ACVR2A: variants seen among roughly 807,000 people sequenced by gnomAD.
ACVR2A encodes the protein activin A receptor type 2A.
In ACVR2A, 7 loss-of-function variants were observed where a neutral mutation model predicts 61.4. The observed-to-expected ratio is 0.11, with a 90% CI of 0.06 to 0.21. The LOEUF (loss-of-function observed/expected upper bound fraction) is 0.21. ACVR2A is among the 10% of genes least tolerant of loss of function. ACVR2A has a pLI of 1.00. For synonymous variants in ACVR2A, 193 were observed against 208.3 expected (o/e 0.93, Z 0.63); for missense variants, 322 against 621.7 (o/e 0.52, Z 5.13).
intron 1 of ACVR2A, among the ~76,000 whole-genome samples, chr2:147,861,218 A>G (rs1490483497): frequency 6.6e-6 from 1 of 152,242 alleles, no homozygotes; most frequent in East Asian, 1.9e-4. Context: ...CGAACAAGTT[A>G]TAATGTAGTG....
chr2:147,850,211 TC>T (rs1210520514), intron 1 of ACVR2A, among the ~76,000 whole-genome samples: 20 of 152,092 alleles, frequency 1.3e-4, no homozygotes, highest in African/African-American at 4.8e-5. Context: ...CTTCTGTACT[TC>T]CTTATACTGC....
intron 10 of ACVR2A, 148 bp downstream of exon 10, chr2:147,926,309 T>A (rs1687498506): frequency 9.7e-7 from 1 of 1,034,932 alleles, no homozygotes; most frequent in Non-Finnish European, 1.4e-6. Flanking sequence ...AGAGGCAGAA[T>A]TAGGGCTATG....
At chr2:147,905,040 T>G (rs1465200099) in intron 4 of ACVR2A, among the ~76,000 whole-genome samples, 1 of 152,050 alleles carries the variant, frequency 6.6e-6, no homozygotes, top group Non-Finnish European at 1.5e-5. Flanking sequence ...AAAAGTTAAT[T>G]ATAAATACAT....
At chr2:147,916,181 A>C (rs1000239672) in intron 5 of ACVR2A, among the ~76,000 whole-genome samples, 1 of 151,914 alleles carries the variant, frequency 6.6e-6, no homozygotes, top group African/African-American at 2.4e-5. Flanking sequence ...AACTGTTTAC[A>C]TAGAGTTTAT....
At chr2:147,880,298 A>G (rs1169500465) in intron 1 of ACVR2A, among the ~76,000 whole-genome samples, 1 of 152,068 alleles carries the variant, frequency 6.6e-6, no homozygotes, top group Non-Finnish European at 1.5e-5. Flanking sequence ...CTGCCTTCCA[A>G]AGTATTGGGA....
At chr2:147,878,640 G>A (rs966606506) in intron 1 of ACVR2A, among the ~76,000 whole-genome samples, 2 of 152,114 alleles carry the variant, frequency 1.3e-5, no homozygotes, top group African/African-American at 2.4e-5. Flanking sequence ...TGGGCATGGT[G>A]GCTCATGCCT....
chr2:147,908,635 C>T (rs1296412768), intron 4 of ACVR2A, among the ~76,000 whole-genome samples: 2 of 152,100 alleles, frequency 1.3e-5, no homozygotes, highest in South Asian at 2.1e-4. Context: ...TGTTTCTATT[C>T]TGCTTGGCAG....
chr2:147,880,227 A>C (rs1686267231), intron 1 of ACVR2A, among the ~76,000 whole-genome samples: 1 of 152,052 alleles, frequency 6.6e-6, no homozygotes, highest in South Asian at 2.1e-4. Context: ...AATTTTTTAT[A>C]GTAGGTTCTT....
chr2:147,891,730 T>C (rs1004705829), intron 1 of ACVR2A, among the ~76,000 whole-genome samples: 3 of 152,220 alleles, frequency 2.0e-5, no homozygotes, highest in Admixed American at 2.0e-4. Context: ...TAAGTAGTTG[T>C]GACAGACCAC....
intron 4 of ACVR2A, among the ~76,000 whole-genome samples, chr2:147,904,732 G>C (rs1325184930): frequency 6.6e-6 from 1 of 151,840 alleles, no homozygotes; most frequent in Non-Finnish European, 1.5e-5. Flanking sequence ...ATGCTTTGTA[G>C]GATTTTCTTC....
At chr2:147,891,337 C>T (rs1050184499) in intron 1 of ACVR2A, among the ~76,000 whole-genome samples, 4 of 151,984 alleles carry the variant, frequency 2.6e-5, no homozygotes, top group African/African-American at 9.7e-5. Context: ...TGGTTTTTAA[C>T]ATGAATTAAA....
intron 1 of ACVR2A, among the ~76,000 whole-genome samples, chr2:147,874,685 C>G (rs1686110155): frequency 6.6e-6 from 1 of 151,898 alleles, no homozygotes; most frequent in Non-Finnish European, 1.5e-5. Context: ...AATTGGAGAA[C>G]CACTAGAATG....
chr2:147,855,617 C>T (rs1685551661), intron 1 of ACVR2A, among the ~76,000 whole-genome samples: 1 of 152,034 alleles, frequency 6.6e-6, no homozygotes, highest in East Asian at 1.9e-4. Context: ...TATTGTAAAG[C>T]TTGCCTACAC....
chr2:147,897,783 GTAC>G (rs1425020889), intron 2 of ACVR2A, among the ~76,000 whole-genome samples: 1 of 152,132 alleles, frequency 6.6e-6, no homozygotes, highest in Non-Finnish European at 1.5e-5. Flanking sequence ...TATTTAGAAT[GTAC>G]TTCTAAGTAT....
At chr2:147,854,285 A>G (rs775885524) in intron 1 of ACVR2A, among the ~76,000 whole-genome samples, 12 of 152,198 alleles carry the variant, frequency 7.9e-5, no homozygotes, top group Non-Finnish European at 1.6e-4. Flanking sequence ...ATGCATTAAA[A>G]AGAAACAATG....
chr2:147,896,384 G>A lies in ACVR2A; in HGVS notation c.139G>A (p.Val47Ile). The part of the protein sequence containing the change: ...WEKDRTNQTG[V>I]EPCYGDKDKR... ...AAAAGACAGAACCAATCAAACTGGT[G>A]TTGAACCGTGTTATGGTGACAAAGA... Residue 47 changes from valine (V) to isoleucine (I), a missense_variant, in exon 2 of 11, where the codon GTT becomes ATT. By Grantham distance (29) the Val-to-Ile change is conservative (BLOSUM62 3). Coordinates refer to ENST00000241416, the MANE Select transcript of ACVR2A (RefSeq NM_001616.5). 2 of 1,613,954 alleles carry A rather than the reference G, an allele frequency of 1.2e-6. No individual in the cohort carries two copies. The highest frequency in any genetic ancestry group is 1.1e-5 in the South Asian group (1 of 91,080).
intron 1 of ACVR2A, among the ~76,000 whole-genome samples, chr2:147,857,532 TAAAA>T (rs1003153545): frequency 9.0e-6 from 1 of 111,482 alleles, no homozygotes; most frequent in African/African-American, 3.2e-5. Context: ...TGGTTTTCTT[TAAAA>T]AAAAAAAAAA....
At chr2:147,844,989 ACCC>A, upstream of ACVR2A, 1 of 216,174 alleles carries the variant, frequency 4.6e-6, no homozygotes, top group Non-Finnish European at 7.5e-6. Flanking sequence ...TTTTTTTTTA[ACCC>A]AGTGAGCGTT....
At chr2:147,871,074 G>C (rs939170202) in intron 1 of ACVR2A, among the ~76,000 whole-genome samples, 13 of 151,904 alleles carry the variant, frequency 8.6e-5, no homozygotes, top group African/African-American at 2.9e-4. Flanking sequence ...TATTTCTTTT[G>C]GTGTGTTTCC....
Sources: gnomAD v4.1 joint callset for allele counts (sites outside exome capture counted in the v4.1 genomes callset) on GRCh38, gnomAD v4.1.1 for gene constraint, MANE v1.5 for transcripts, NCBI Gene and HGNC (gene_info 2026-07-23, HGNC 2026-07-21) for gene names.